Variants in CFAP54 observed in about 807,000 individuals in gnomAD.
CFAP54 encodes cilia and flagella associated protein 54.
Under a neutral mutation model 370.4 loss-of-function variants are expected in CFAP54, and 290 were observed. The ratio of observed to expected loss-of-function variants is 0.78; its 90% CI spans 0.71 to 0.86. The LOEUF (loss-of-function observed/expected upper bound fraction) is 0.86, where lower values mean the gene tolerates loss of function less well. Ranked by LOEUF, CFAP54 falls within the 40% of genes least tolerant of loss-of-function variation. CFAP54 has a pLI of 0.00. For missense variants in CFAP54, 3,399 were observed against 3,528.7 expected (o/e 0.96, Z 0.93); for synonymous variants, 1,206 against 1,236.5 (o/e 0.98, Z 0.52).
chr12:96,785,513 C>T (rs1454943959), intron 61 of CFAP54, among the ~76,000 whole-genome samples: 1 of 152,024 alleles, frequency 6.6e-6, no homozygotes, highest in Non-Finnish European at 1.5e-5. Context: ...ATGGGGAAAC[C>T]AGAAGGGCAA....
Position 96,564,444 on chromosome 12 carries a change from T to C in CFAP54, c.2411-24T>C, listed in dbSNP as rs1352803477. ...CTCTCTTGGATACATACTTAATTGTTATGACAGTCGTCTTCTTCTTCAGTT... is the reference window on the plus strand; with the variant it reads ...CTCTCTTGGATACATACTTAATTGTCATGACAGTCGTCTTCTTCTTCAGTT... On this transcript the variant is annotated intron_variant, in intron 17 of 67. Transcript: ENST00000524981. The C allele has an allele frequency of 1.2e-5, 8 of 686,754 alleles. 1 individual carries two copies. The Admixed American group carries it at 1.5e-4, about 13-fold the overall frequency. 42.5% of individuals were successfully genotyped at this position (686,754 alleles called of 1,614,324 possible).
chr12:96,842,007 T>C (rs942172665), intron 66 of CFAP54, among the ~76,000 whole-genome samples: 1 of 152,232 alleles, frequency 6.6e-6, no homozygotes, highest in Non-Finnish European at 1.5e-5. Context: ...ATTGTGGTCA[T>C]CTTTATTTTT....
In CFAP54 at chr12:96,630,230, T is replaced by A. The variant is rs1956591204; in HGVS notation, c.4215+26T>A. ...GTAAGTTTCCTATGAGTTTTGAATTTTAGGTAATGAAATTAAGAGATTCAT... is the reference window on the plus strand; with the variant it reads ...GTAAGTTTCCTATGAGTTTTGAATTATAGGTAATGAAATTAAGAGATTCAT... On this transcript the variant is annotated intron_variant, in intron 31 of 67. Transcript: ENST00000524981. The A allele has an allele frequency of 2.5e-6, 3 of 1,202,774 alleles. No individual in the cohort carries two copies. The East Asian group carries it at 7.7e-5, about 31-fold the overall frequency. 74.5% of individuals were successfully genotyped at this position (1,202,774 alleles called of 1,614,324 possible). A position where few individuals can be genotyped will look rare whatever the true frequency, so the allele number is the denominator to read the frequency against.
At chr12:96,512,301 T>TTA (rs1165045194) in intron 4 of CFAP54, among the ~76,000 whole-genome samples, 1,204 of 30,196 alleles carry the variant, frequency 0.04, 42 homozygotes, top group East Asian at 0.051. Flanking sequence ...GGAACCAATT[T>TTA]TATATATATA....
intron 32 of CFAP54, among the ~76,000 whole-genome samples, chr12:96,632,125 A>G (rs749209332): frequency 4.3e-4 from 66 of 151,936 alleles, no homozygotes; most frequent in Admixed American, 8.5e-4. Flanking sequence ...TATTTGGCCC[A>G]AGGGTTTTTC....
At chr12:96,868,419 T>C (rs1398915838) in intron 67 of CFAP54, among the ~76,000 whole-genome samples, 1 of 147,056 alleles carries the variant, frequency 6.8e-6, no homozygotes, top group African/African-American at 2.4e-5. Flanking sequence ...ATTTTTTACT[T>C]GTATGTTCAT....
chr12:96,681,018 G>A (rs1184447034), intron 40 of CFAP54, among the ~76,000 whole-genome samples: 1 of 152,086 alleles, frequency 6.6e-6, no homozygotes, highest in Non-Finnish European at 1.5e-5. Flanking sequence ...GCGGGGCAGA[G>A]GTTGCAGTGA....
chr12:96,650,215 T>C, intron 35 of CFAP54, 143 bp downstream of exon 35: 1 of 725,988 alleles, frequency 1.4e-6, no homozygotes. Context: ...GGGTGTATCC[T>C]AAGTCACTTT....
At chr12:96,655,493 A>C (rs1248487722) in intron 36 of CFAP54, among the ~76,000 whole-genome samples, 1 of 152,172 alleles carries the variant, frequency 6.6e-6, no homozygotes, top group African/African-American at 2.4e-5. Flanking sequence ...GATCAAGAGC[A>C]CCTTATGGAG....
chr12:96,830,215 C>A (rs1466506129), intron 66 of CFAP54, among the ~76,000 whole-genome samples: 2 of 152,152 alleles, frequency 1.3e-5, no homozygotes, highest in African/African-American at 2.4e-5. Context: ...GATTTCAAAT[C>A]TTTAGCACAA....
chr12:96,538,370 A>T lies in CFAP54; in HGVS notation c.1792-14A>T, dbSNP rs1342957162. The T allele has an allele frequency of 1.3e-6, 2 of 1,527,722 alleles. No individual in the cohort carries two copies. 94.6% of individuals were successfully genotyped at this position (1,527,722 alleles called of 1,614,324 possible). A position where few individuals can be genotyped will look rare whatever the true frequency, so the allele number is the denominator to read the frequency against. ...ATTATTCCTACTCATTTACCTTCTCACTTTTGTTTTTAGGATGTTCAACCT... is the reference window on the plus strand; with the variant it reads ...ATTATTCCTACTCATTTACCTTCTCTCTTTTGTTTTTAGGATGTTCAACCT... On this transcript the variant is annotated splice_polypyrimidine_tract_variant and intron_variant, in intron 12 of 67. Transcript: ENST00000524981.
At position 96,792,334 on chromosome 12, in the gene CFAP54, T is replaced by A. The variant is rs1958708566; in HGVS notation, c.8685T>A (p.Tyr2895Ter). Reference sequence around the variant, plus strand: ...TGTTTTTGTTTGTTCCCTAGTTGTATCGCGATAGTTCTGTACAATCCATTT... The same window carrying A: ...TGTTTTTGTTTGTTCCCTAGTTGTAACGCGATAGTTCTGTACAATCCATTT... ...KDLRESSAKLYRDSSVQSILS... is the reference protein window; with the variant it reads ...KDLRESSAKL Residue 2895 changes from tyrosine to a stop codon, truncating the protein, a stop_gained, in exon 63 of 68, where the codon TAT becomes TAA. Transcript: ENST00000524981. LOFTEE classifies it high-confidence loss of function. The A allele has an allele frequency of 4.0e-6, 6 of 1,508,004 alleles. No individual in the cohort carries two copies. In the East Asian group the frequency reaches 1.5e-4, roughly 38 times the overall value. The allele number at this position is 1,508,004 out of a possible 1,614,324, so 93.4% of individuals were successfully genotyped here.
At chr12:96,823,313 CTT>C (rs1434562013) in intron 65 of CFAP54, among the ~76,000 whole-genome samples, 1 of 152,204 alleles carries the variant, frequency 6.6e-6, no homozygotes, top group Non-Finnish European at 1.5e-5. Context: ...CTTCCTCTCT[CTT>C]GACTGTGAAT....
At chr12:96,712,918 C>T (rs543625233) in intron 48 of CFAP54, among the ~76,000 whole-genome samples, 5 of 151,984 alleles carry the variant, frequency 3.3e-5, no homozygotes, top group African/African-American at 1.2e-4. Flanking sequence ...TATAAATGGC[C>T]AAAAAGCATA....
intron 22 of CFAP54, among the ~76,000 whole-genome samples, chr12:96,586,775 A>T (rs906341228): frequency 2.0e-5 from 3 of 152,158 alleles, no homozygotes; most frequent in Admixed American, 2.0e-4. Flanking sequence ...AGTGAAGTGG[A>T]CAGCGATTGG....
chr12:96,589,557 A>G lies in CFAP54; in HGVS notation c.3206A>G (p.Gln1069Arg). Reference protein sequence around the residue: ...ICLSNIITITQRRLHSDILAE... With the variant: ...ICLSNIITITRRRLHSDILAE... ...TTAAGCAATATAATTACTATTACAC[A>G]AAGAAGGTAATTAGAAATATTCTTC... Residue 1069 changes from glutamine (Q) to arginine (R), a missense_variant, in exon 23 of 68, where the codon CAA (glutamine) becomes CGA (arginine). By Grantham distance (43) the Gln-to-Arg change is conservative. Transcript: ENST00000524981. 1 of 1,426,596 alleles carries G rather than the reference A, an allele frequency of 7.0e-7. No homozygotes were observed. Among genetic ancestry groups the G allele is most frequent in the Non-Finnish European group, 9.5e-7 (1 of 1,054,796 alleles). The allele number at this position is 1,426,596 out of a possible 1,614,324, so 88.4% of individuals were successfully genotyped here. A position where few individuals can be genotyped will look rare whatever the true frequency, so the allele number is the denominator to read the frequency against.
At chr12:96,821,417 A>G (rs1799444573) in intron 65 of CFAP54, among the ~76,000 whole-genome samples, 1 of 152,154 alleles carries the variant, frequency 6.6e-6, no homozygotes, top group Admixed American at 6.6e-5. Flanking sequence ...GCCTGGATCA[A>G]TCCTCAAGTA....
intron 60 of CFAP54, among the ~76,000 whole-genome samples, chr12:96,775,876 GT>G (rs1479183839): frequency 6.6e-6 from 1 of 152,152 alleles, no homozygotes; most frequent in African/African-American, 2.4e-5. Context: ...ATTTTTGCAT[GT>G]TTTTATTTTC....
chr12:96,612,146 G>C (rs948238668), intron 26 of CFAP54, among the ~76,000 whole-genome samples: 4 of 152,156 alleles, frequency 2.6e-5, no homozygotes, highest in Non-Finnish European at 5.9e-5. Context: ...GAGAAAGGTA[G>C]GGTTACCCAC....
Sources: allele counts gnomAD v4.1 joint callset (sites outside exome capture counted in the v4.1 genomes callset), GRCh38; gene constraint gnomAD v4.1.1; transcripts MANE v1.5; gene names NCBI Gene and HGNC (gene_info 2026-07-23, HGNC 2026-07-21).